Variants in PCCA observed in about 807,000 individuals in gnomAD.
The protein encoded by PCCA is propionyl-CoA carboxylase subunit alpha, also known as propionyl-CoA carboxylase alpha chain, mitochondrial.
PCCA carries 74 observed loss-of-function variants against 101.3 expected under a neutral mutation model. The ratio of observed to expected loss-of-function variants is 0.73; its 90% CI spans 0.61 to 0.89. The LOEUF (loss-of-function observed/expected upper bound fraction) is 0.89. Among genes scored for constraint, PCCA ranks in the 40% least tolerant of loss-of-function variants. The pLI, the probability that PCCA is intolerant of heterozygous loss-of-function variation, is 0.00. For synonymous variants in PCCA, 294 were observed against 313.6 expected (o/e 0.94, Z 0.66); for missense variants, 891 against 907.0 (o/e 0.98, Z 0.23).
chr13:100,276,491 G>A (rs2063680607), intron 12 of PCCA, among the ~76,000 whole-genome samples: 1 of 151,198 alleles, frequency 6.6e-6, no homozygotes, highest in African/African-American at 2.4e-5. Flanking sequence ...AATTTTTTTT[G>A]GAAATTCTCC....
intron 1 of PCCA, among the ~76,000 whole-genome samples, chr13:100,099,836 AG>A (rs2047116922): frequency 6.6e-6 from 1 of 152,172 alleles, no homozygotes; most frequent in Non-Finnish European, 1.5e-5. Context: ...ATTATGACCT[AG>A]ATAAGTACTA....
Position 100,450,883 on chromosome 13 carries a change from A to G in PCCA, c.1899+1578A>G, listed in dbSNP as rs1216389276. 2.6e-5 allele frequency among the ~76,000 whole-genome samples: 4 copies of G among 152,244 alleles called. No homozygotes were observed. In the South Asian group the frequency reaches 8.3e-4, roughly 31 times the overall value. On this transcript the variant is annotated intron_variant, in intron 21 of 23. Transcript: ENST00000376285. ...AACATTTGAAATACAATTCAAATGT[A>G]TGTCATAATATGTTGCATTAGTCAA...
intron 6 of PCCA, among the ~76,000 whole-genome samples, chr13:100,162,279 C>T (rs767895736): frequency 3.8e-4 from 58 of 152,208 alleles, no homozygotes; most frequent in Admixed American, 1.2e-3. Flanking sequence ...GAATACCTAC[C>T]TGCAGGTAAG....
intron 19 of PCCA, among the ~76,000 whole-genome samples, chr13:100,392,366 C>G (rs760591926): frequency 2.0e-5 from 3 of 152,196 alleles, no homozygotes; most frequent in Non-Finnish European, 4.4e-5. Context: ...CCTTAACAAA[C>G]TAGTTACATA....
intron 4 of PCCA, chr13:100,150,956 T>G: frequency 3.3e-6 from 5 of 1,517,518 alleles, no homozygotes; most frequent in South Asian, 1.1e-5. Flanking sequence ...TCAGCGCGCT[T>G]TATCAGGCTG....
intron 6 of PCCA, among the ~76,000 whole-genome samples, chr13:100,164,389 G>C: frequency 6.6e-6 from 1 of 152,222 alleles, no homozygotes; most frequent in East Asian, 1.9e-4. Context: ...TTAAAAACTA[G>C]TCTTAGAGTG....
chr13:100,430,165 C>G (rs936903342), intron 20 of PCCA, among the ~76,000 whole-genome samples: 4 of 152,028 alleles, frequency 2.6e-5, no homozygotes, highest in African/African-American at 9.7e-5. Flanking sequence ...ATCCCAGCTA[C>G]TCAGGAGGCT....
At chr13:100,185,102 A>G (rs2057139103) in intron 6 of PCCA, among the ~76,000 whole-genome samples, 1 of 152,246 alleles carries the variant, frequency 6.6e-6, no homozygotes, top group African/African-American at 2.4e-5. Context: ...TCTGCACCCT[A>G]GAAGCCCTTT....
Position 100,330,566 on chromosome 13 carries a change from A to T in PCCA, c.1435A>T (p.Thr479Ser). 1 of 1,583,582 alleles carries T rather than the reference A, an allele frequency of 6.3e-7. No homozygotes were observed. The highest frequency in any genetic ancestry group is 8.7e-7 in the Non-Finnish European group (1 of 1,153,162). The change falls in exon 17 of 24, where the codon ACA becomes TCA. Residue 479 changes from threonine (T) to serine (S), a missense_variant. Physicochemically the swap from Thr to Ser is moderately conservative, Grantham distance 58. Transcript: ENST00000376285. ...TGATATCATTTTACTTTTAGGTGTT[A>T]CACATAATATTGCATTACTTCGAGA... ...ALDNYVIRGVTHNIALLREVI... is the reference protein window; with the variant it reads ...ALDNYVIRGVSHNIALLREVI...
intron 19 of PCCA, among the ~76,000 whole-genome samples, chr13:100,378,215 T>C (rs1489868693): frequency 1.3e-5 from 2 of 152,224 alleles, no homozygotes; most frequent in Non-Finnish European, 2.9e-5. Flanking sequence ...ATAGTACCAC[T>C]GAGTGGCAGT....
At chr13:100,146,529 C>T (rs890001419) in intron 4 of PCCA, among the ~76,000 whole-genome samples, 4 of 150,458 alleles carry the variant, frequency 2.7e-5, no homozygotes, top group Admixed American at 6.6e-5. Flanking sequence ...GAGCCAAGAT[C>T]GTGCCACTGC....
intron 19 of PCCA, among the ~76,000 whole-genome samples, chr13:100,405,879 G>C (rs571692957): frequency 6.8e-6 from 1 of 146,720 alleles, no homozygotes; most frequent in South Asian, 2.1e-4. Flanking sequence ...TGATTCTCCT[G>C]CCTCAGCCTC....
chr13:100,173,118 T>C (rs2055870662), intron 6 of PCCA, among the ~76,000 whole-genome samples: 1 of 152,174 alleles, frequency 6.6e-6, no homozygotes, highest in Non-Finnish European at 1.5e-5. Flanking sequence ...GAGCTGTCTG[T>C]AAAAGTTCTG....
At chr13:100,112,537 G>T (rs1955957403) in intron 4 of PCCA, among the ~76,000 whole-genome samples, 1 of 149,400 alleles carries the variant, frequency 6.7e-6, no homozygotes, top group Non-Finnish European at 1.5e-5. Flanking sequence ...TTAGCATAAA[G>T]CAGATATACT....
At chr13:100,449,450 G>T (rs2081068505) in intron 21 of PCCA, 145 bp downstream of exon 21, 1 of 588,484 alleles carries the variant, frequency 1.7e-6, no homozygotes, top group Non-Finnish European at 3.0e-6. Context: ...GATATTCTAG[G>T]GAACAACTTC....
chr13:100,198,622 C>A (rs1048015612), intron 6 of PCCA, among the ~76,000 whole-genome samples: 4 of 152,120 alleles, frequency 2.6e-5, no homozygotes, highest in African/African-American at 9.7e-5. Context: ...CCTCAGCCTT[C>A]CGAGTAGCTG....
intron 8 of PCCA, among the ~76,000 whole-genome samples, chr13:100,252,251 T>G (rs1307313364): frequency 6.6e-6 from 1 of 152,222 alleles, no homozygotes; most frequent in Non-Finnish European, 1.5e-5. Flanking sequence ...TCTTTTTACC[T>G]TGGACCTTTC....
intron 4 of PCCA, among the ~76,000 whole-genome samples, chr13:100,114,917 C>T (rs2048660869): frequency 6.6e-6 from 1 of 152,134 alleles, no homozygotes; most frequent in African/African-American, 2.4e-5. Context: ...AGATGTACAT[C>T]TGCTTCTAGG....
intron 7 of PCCA, among the ~76,000 whole-genome samples, chr13:100,231,903 T>G (rs748713312): frequency 1.3e-4 from 20 of 152,152 alleles, no homozygotes; most frequent in Non-Finnish European, 2.5e-4. Flanking sequence ...TAAATTGGTT[T>G]CTGTAGCTGT....
Sources: gnomAD v4.1 joint callset for allele counts (sites outside exome capture counted in the v4.1 genomes callset) on GRCh38, gnomAD v4.1.1 for gene constraint, MANE v1.5 for transcripts, NCBI Gene and HGNC (gene_info 2026-07-23, HGNC 2026-07-21) for gene names.